ACVR1C: variants seen among roughly 807,000 people sequenced by gnomAD.
The protein encoded by ACVR1C is activin receptor type-1C.
A neutral mutation model predicts 57.9 loss-of-function variants in ACVR1C; 23 were observed. That is an observed-to-expected ratio of 0.40 (90% CI 0.29 to 0.56). The LOEUF (loss-of-function observed/expected upper bound fraction) is 0.56. ACVR1C is among the 20% of genes least tolerant of loss of function. The pLI, the probability that ACVR1C is intolerant of heterozygous loss-of-function variation, is 0.50. For missense variants in ACVR1C, 480 were observed against 607.9 expected (o/e 0.79, Z 2.21); for synonymous variants, 214 against 215.3 (o/e 0.99, Z 0.05).
At chr2:157,597,860 C>G (rs1045905312) in intron 1 of ACVR1C, among the ~76,000 whole-genome samples, 9 of 152,154 alleles carry the variant, frequency 5.9e-5, no homozygotes, top group Non-Finnish European at 1.3e-4. Context: ...TTAAAGATCA[C>G]CATTCTAGCC....
intron 1 of ACVR1C, among the ~76,000 whole-genome samples, chr2:157,595,424 GA>G (rs1008434325): frequency 2.6e-5 from 4 of 152,250 alleles, no homozygotes; most frequent in Non-Finnish European, 4.4e-5. Context: ...CATGTAGGGG[GA>G]AAAAACAGAC....
intron 1 of ACVR1C, among the ~76,000 whole-genome samples, chr2:157,626,134 G>T (rs751480132): frequency 2.0e-5 from 3 of 152,126 alleles, no homozygotes; most frequent in Non-Finnish European, 4.4e-5. Context: ...CTGGCTAATT[G>T]TTTTTAAATT....
chr2:157,535,331 C>T (rs1346086957), intron 8 of ACVR1C, among the ~76,000 whole-genome samples: 6 of 151,778 alleles, frequency 4.0e-5, no homozygotes, highest in Non-Finnish European at 5.9e-5. Context: ...TGAAAATTCA[C>T]AAACACATGA....
intron 2 of ACVR1C, 53 bp downstream of exon 2, chr2:157,587,134 T>C (rs369829935): frequency 1.5e-5 from 22 of 1,437,766 alleles, no homozygotes; most frequent in East Asian, 1.4e-4. Flanking sequence ...ACCATTCTTA[T>C]AGTTTCCCAA....
intron 1 of ACVR1C, among the ~76,000 whole-genome samples, chr2:157,594,894 T>C (rs534341836): frequency 6.6e-6 from 1 of 152,364 alleles, no homozygotes; most frequent in African/African-American, 2.4e-5. Flanking sequence ...ATTTACTTAC[T>C]GCCTCAAAAT....
chr2:157,617,780 T>C (rs1682686182), intron 1 of ACVR1C, among the ~76,000 whole-genome samples: 1 of 151,970 alleles, frequency 6.6e-6, no homozygotes, highest in Non-Finnish European at 1.5e-5. Flanking sequence ...GATAAATGGA[T>C]ATATATATGA....
chr2:157,556,439 A>G (rs1688101998), intron 2 of ACVR1C, 107 bp from the exon 3 acceptor site: 1 of 1,407,718 alleles, frequency 7.1e-7, no homozygotes, highest in South Asian at 1.3e-5. Flanking sequence ...ATTCAGCTAC[A>G]CAGTATGCAC....
intron 7 of ACVR1C, among the ~76,000 whole-genome samples, chr2:157,540,660 C>T (rs1293590165): frequency 6.6e-6 from 1 of 152,152 alleles, no homozygotes; most frequent in Non-Finnish European, 1.5e-5. Flanking sequence ...CCCACCTCTT[C>T]CCATACCTTT....
chr2:157,544,500 C>T lies in ACVR1C; in HGVS notation c.888G>A (p.Ala296=), dbSNP rs760426734. ...IVTVAGMIKL[A]LSIASGLAHL... ...GTGCCAGACCACTAGCAATTGAGAG[C>T]GCCAGCTTGATCATTCCAGCCACGG... Residue 296 remains alanine, a synonymous_variant, in exon 5 of 9, where the codon GCG becomes GCA. Transcript: ENST00000243349. 2.3e-5 allele frequency: 37 copies of T among 1,613,842 alleles called. No homozygotes were observed. Among genetic ancestry groups the T allele is most frequent in the East Asian group, 6.7e-5 (3 of 44,890 alleles).
intron 1 of ACVR1C, among the ~76,000 whole-genome samples, chr2:157,601,495 T>C (rs563630100): frequency 1.1e-4 from 16 of 152,216 alleles, no homozygotes; most frequent in Admixed American, 7.2e-4. Flanking sequence ...AAAGAAGTTA[T>C]AGGACCTCCA....
At position 157,549,876 on chromosome 2, in the gene ACVR1C, G is replaced by A. The variant is rs1284589262; in HGVS notation, c.775+286C>T. Among the ~76,000 whole-genome samples the A allele has an allele frequency of 3.5e-4, 52 of 147,682 alleles. No individual in the cohort carries two copies. The East Asian group carries it at 8.9e-3, about 25-fold the overall frequency. Reference sequence around the variant, plus strand: ...AAATTAGCCAGGCGTAGTGGCGGGCGCCTGTAGTCCAAGCTACTTGGGAGG... The same window carrying A: ...AAATTAGCCAGGCGTAGTGGCGGGCACCTGTAGTCCAAGCTACTTGGGAGG... On this transcript the variant is annotated intron_variant, in intron 4 of 8. Coordinates refer to ENST00000243349, the MANE Select transcript of ACVR1C (RefSeq NM_145259.3).
At chr2:157,573,213 G>A (rs1456044895) in intron 2 of ACVR1C, among the ~76,000 whole-genome samples, 1 of 152,150 alleles carries the variant, frequency 6.6e-6, no homozygotes, top group Non-Finnish European at 1.5e-5. Context: ...GGTTTAAAAA[G>A]TCTAATTTAG....
At chr2:157,598,113 AT>A (rs1261094747) in intron 1 of ACVR1C, among the ~76,000 whole-genome samples, 1 of 152,028 alleles carries the variant, frequency 6.6e-6, no homozygotes, top group Non-Finnish European at 1.5e-5. Flanking sequence ...AGATTTGGAA[AT>A]TTCACTGACC....
In ACVR1C at chr2:157,547,627, T is replaced by A. The variant is rs566942311; in HGVS notation, c.775+2535A>T. On this transcript the variant is annotated intron_variant, in intron 4 of 8. Coordinates refer to ENST00000243349, the MANE Select transcript of ACVR1C (RefSeq NM_145259.3). ...TGCATAAATGTCTTCTTTTGAGAAGTGTCTGTTCATGTCCTTTGCCCACTT... is the reference window on the plus strand; with the variant it reads ...TGCATAAATGTCTTCTTTTGAGAAGAGTCTGTTCATGTCCTTTGCCCACTT... 3.5e-3 allele frequency among the ~76,000 whole-genome samples: 494 copies of A among 141,062 alleles called. 10 individuals carry two copies. The highest frequency in any genetic ancestry group is 0.012 in the African/African-American group (458 of 37,260). 92.5% of individuals were successfully genotyped at this position (141,062 alleles called of 152,430 possible). A position where few individuals can be genotyped will look rare whatever the true frequency, so the allele number is the denominator to read the frequency against.
At chr2:157,548,526 CTA>C in intron 4 of ACVR1C, among the ~76,000 whole-genome samples, 1 of 151,830 alleles carries the variant, frequency 6.6e-6, no homozygotes, top group African/African-American at 2.4e-5. Context: ...TGACTTCAAA[CTA>C]TACTACAAGG....
intron 1 of ACVR1C, among the ~76,000 whole-genome samples, chr2:157,595,923 C>T (rs1682095387): frequency 6.6e-6 from 1 of 152,200 alleles, no homozygotes; most frequent in Non-Finnish European, 1.5e-5. Context: ...AGGATCTGCT[C>T]CCCATCCTTC....
At chr2:157,547,732 G>A (rs1283678412) in intron 4 of ACVR1C, among the ~76,000 whole-genome samples, 1 of 150,020 alleles carries the variant, frequency 6.7e-6, no homozygotes. Flanking sequence ...TTTGTCAGAT[G>A]AGTAGGCTGC....
chr2:157,573,814 C>T (rs757365840), intron 2 of ACVR1C, among the ~76,000 whole-genome samples: 3 of 151,886 alleles, frequency 2.0e-5, no homozygotes, highest in East Asian at 1.9e-4. Flanking sequence ...TACAACCCAG[C>T]CATAAAGGAA....
chr2:157,540,391 G>A (rs532821933), intron 7 of ACVR1C, among the ~76,000 whole-genome samples: 2 of 149,348 alleles, frequency 1.3e-5, no homozygotes, highest in East Asian at 2.0e-4. Flanking sequence ...ACAGAGTTTC[G>A]CTCTTGTTGC....
Sources: allele counts gnomAD v4.1 joint callset (sites outside exome capture counted in the v4.1 genomes callset), GRCh38; gene constraint gnomAD v4.1.1; transcripts MANE v1.5; gene names NCBI Gene and HGNC (gene_info 2026-07-23, HGNC 2026-07-21).